Variants in CDC45 observed in about 807,000 individuals in gnomAD.
The protein encoded by CDC45 is cell division control protein 45 homolog.
CDC45 carries 54 observed loss-of-function variants against 77.8 expected under a neutral mutation model. The ratio of observed to expected loss-of-function variants is 0.69; its 90% CI spans 0.56 to 0.87. The LOEUF (loss-of-function observed/expected upper bound fraction) is 0.87. Ranked by LOEUF, CDC45 falls within the 40% of genes least tolerant of loss-of-function variation. The pLI is 0.00. For synonymous variants in CDC45, 260 were observed against 272.1 expected (o/e 0.96, Z 0.44); for missense variants, 649 against 721.6 (o/e 0.90, Z 1.15).
At position 19,484,304 on chromosome 22, in the gene CDC45, G is replaced by A. The variant is rs1022128740; in HGVS notation, c.486+299G>A. On this transcript the variant is annotated intron_variant, in intron 5 of 18. Coordinates refer to ENST00000263201, the MANE Select transcript of CDC45 (RefSeq NM_003504.5). ...AAATAATGTAGAGAAGCAATAAATA[G>A]TGTAACCCCCACCCCTTCCTTTTCT... 4.6e-5 allele frequency among the ~76,000 whole-genome samples: 7 copies of A among 152,214 alleles called. No homozygotes were observed. In the East Asian group the frequency reaches 1.3e-3, roughly 29 times the overall value.
At chr22:19,495,160 G>C (rs1417497954) in intron 6 of CDC45, among the ~76,000 whole-genome samples, 5 of 152,164 alleles carry the variant, frequency 3.3e-5, no homozygotes, top group Non-Finnish European at 7.4e-5. Flanking sequence ...TTCTGGGTTT[G>C]GGTTTCTATT....
At chr22:19,483,161 G>A (rs1306828599) in intron 4 of CDC45, among the ~76,000 whole-genome samples, 3 of 152,116 alleles carry the variant, frequency 2.0e-5, no homozygotes, top group Non-Finnish European at 4.4e-5. Flanking sequence ...GGCTGGGCGC[G>A]GTGGCTCACG....
chr22:19,480,143 G>T lies in CDC45; in HGVS notation c.52-15G>T. 6.2e-7 allele frequency: 1 copy of T among 1,613,992 alleles called. No individual in the cohort carries two copies. The highest frequency in any genetic ancestry group is 8.5e-7 in the Non-Finnish European group (1 of 1,179,876). On this transcript the variant is annotated splice_polypyrimidine_tract_variant and intron_variant, in intron 1 of 18. Coordinates refer to ENST00000263201, the MANE Select transcript of CDC45 (RefSeq NM_003504.5). The stretch of plus-strand genomic sequence containing the variant: ...TCGGGTCGCCGTGTTCAGCCGGTCT[G>T]CTCTTCCCCGATAGAGGGTCCTTCT...
intron 2 of CDC45, 116 bp downstream of exon 2, chr22:19,480,333 G>GAGC: frequency 2.1e-6 from 2 of 964,046 alleles, no homozygotes; most frequent in Non-Finnish European, 3.3e-6. Flanking sequence ...GTGGGAGAGG[G>GAGC]AGCAGGGCAG....
rs377186449 is a variant in CDC45 at position 19,483,955 on chromosome 22, A to C, written c.436A>C (p.Asn146His). ...AGAGGAGGATGAAGAGCATTCAGGA[A>C]ATGACAGTGATGGGTCAGAGCCTTC... ...DEEEDEEHSG[N>H]DSDGSEPSEK... The change falls in exon 5 of 19, where the codon AAT (asparagine) becomes CAT (histidine). Residue 146 changes from asparagine to histidine, a missense_variant. Asn to His is a moderately conservative substitution (Grantham distance 68). Coordinates refer to ENST00000263201, the MANE Select transcript of CDC45 (RefSeq NM_003504.5). 1.2e-6 allele frequency: 2 copies of C among 1,613,846 alleles called. No homozygotes were observed. The highest frequency in any genetic ancestry group is 1.1e-5 in the South Asian group (1 of 90,984).
In CDC45 at chr22:19,507,512, C is replaced by T. The variant is rs1933263165; in HGVS notation, c.951C>T (p.Asp317=). Residue 317 remains aspartate (D), a synonymous_variant, in exon 11 of 19, where the codon GAC becomes GAT. Transcript: ENST00000263201. ...GQKRLQEFLA[D]MGLPLKQVKQ... is the part of the protein sequence containing the mutation. ...AGCGGCTCCAGGAGTTCCTTGCAGA[C>T]ATGGGGTGAGTGACTGCCTGGGCCT... is the stretch of plus-strand genomic sequence containing the variant. 2.5e-6 allele frequency: 4 copies of T among 1,614,018 alleles called. No individual in the cohort carries two copies. The highest frequency in any genetic ancestry group is 1.7e-5 in the Admixed American group (1 of 60,008).
At chr22:19,514,663 G>A (rs1220300490) in intron 13 of CDC45, 86 bp from the exon 14 acceptor site, 9 of 1,194,002 alleles carry the variant, frequency 7.5e-6, no homozygotes, top group Non-Finnish European at 1.1e-5. Context: ...CCTGAACCAG[G>A]AACCAAGCAA....
intron 7 of CDC45, among the ~76,000 whole-genome samples, chr22:19,497,180 G>T (rs571728465): frequency 3.3e-5 from 5 of 152,340 alleles, no homozygotes; most frequent in Admixed American, 1.3e-4. Context: ...GGTAGCAAAG[G>T]AGTTACTTTC....
chr22:19,491,187 C>T (rs1334865887), intron 5 of CDC45, among the ~76,000 whole-genome samples: 1 of 152,118 alleles, frequency 6.6e-6, no homozygotes, highest in Admixed American at 6.5e-5. Flanking sequence ...TTAAATATTT[C>T]CTCCACATAT....
intron 9 of CDC45, among the ~76,000 whole-genome samples, chr22:19,502,947 C>T (rs1434128764): frequency 4.6e-5 from 7 of 151,958 alleles, no homozygotes; most frequent in Non-Finnish European, 8.8e-5. Flanking sequence ...AGCACTTTGT[C>T]GGGGGTGGGA....
chr22:19,507,779 C>G lies in CDC45; in HGVS notation c.970C>G (p.Gln324Glu), dbSNP rs1165533647. The G allele has an allele frequency of 2.5e-6, 4 of 1,597,248 alleles. No individual in the cohort carries two copies. The East Asian group carries it at 9.0e-5, about 36-fold the overall frequency. ...FLADMGLPLK[Q>E]VKQKFQAMDI... The stretch of plus-strand genomic sequence containing the variant: ...TGCTCTTTCCAGTCTTCCCCTGAAG[C>G]AGGTGAAGCAGAAGTTCCAGGCCAT... Residue 324 changes from glutamine to glutamate, a missense_variant, in exon 12 of 19, where the codon CAG (glutamine) becomes GAG (glutamate). Gln to Glu is a conservative substitution (Grantham distance 29). Coordinates refer to ENST00000263201, the MANE Select transcript of CDC45 (RefSeq NM_003504.5).
intron 8 of CDC45, 125 bp from the exon 9 acceptor site, chr22:19,498,975 GC>G: frequency 2.0e-6 from 2 of 1,013,474 alleles, no homozygotes; most frequent in Non-Finnish European, 1.5e-6. Context: ...CCAGGGTCTG[GC>G]CCCACTGGCA....
chr22:19,491,892 TGCCTCCTGGGTTCAAGCAATTCTGCCTCA>T (rs1402639644), intron 5 of CDC45, among the ~76,000 whole-genome samples: 1 of 151,924 alleles, frequency 6.6e-6, no homozygotes, highest in Non-Finnish European at 1.5e-5. Context: ...CTGCAACCTC[TGCCTCCTGGGTTCAAGCAATTCTGCCTCA>T]GCCTCCTGAG....
At chr22:19,516,016 G>T (rs760156902) in intron 15 of CDC45, among the ~76,000 whole-genome samples, 1 of 152,236 alleles carries the variant, frequency 6.6e-6, no homozygotes, top group Non-Finnish European at 1.5e-5. Context: ...AGGCACAGCA[G>T]AGAAGGAAAC....
chr22:19,506,216 G>A (rs1369165236), intron 10 of CDC45, among the ~76,000 whole-genome samples: 1 of 152,188 alleles, frequency 6.6e-6, no homozygotes, highest in East Asian at 1.9e-4. Context: ...CTGGGAAGGA[G>A]GAAGAGTGAG....
chr22:19,494,349 G>A lies in CDC45; in HGVS notation c.509G>A (p.Arg170Gln), dbSNP rs202209270. ...CAGGAGATAGTGGAGCAAACCATGC[G>A]GAGGAGGCAGCGGCGAGAGTGGGAG... Reference protein sequence around the residue: ...LEEEIVEQTMRRRQRREWEAR... With the variant: ...LEEEIVEQTMQRRQRREWEAR... The change falls in exon 6 of 19, where the codon CGG (arginine) becomes CAG (glutamine). Residue 170 changes from arginine to glutamine, a missense_variant. Coordinates refer to ENST00000263201, the MANE Select transcript of CDC45 (RefSeq NM_003504.5). 6.4e-5 allele frequency: 103 copies of A among 1,612,998 alleles called. No individual in the cohort carries two copies. The highest frequency in any genetic ancestry group is 2.0e-4 in the East Asian group (9 of 44,898).
intron 9 of CDC45, among the ~76,000 whole-genome samples, chr22:19,503,709 C>G (rs1932992092): frequency 6.6e-6 from 1 of 152,196 alleles, no homozygotes; most frequent in Non-Finnish European, 1.5e-5. Context: ...CCTTCCAATG[C>G]AGAGGAAGTC....
At chr22:19,503,971 C>T (rs1022455703) in intron 9 of CDC45, among the ~76,000 whole-genome samples, 1 of 152,246 alleles carries the variant, frequency 6.6e-6, no homozygotes, top group African/African-American at 2.4e-5. Context: ...ACAGGCAGGG[C>T]ACGGGTGGCA....
intron 5 of CDC45, among the ~76,000 whole-genome samples, chr22:19,485,579 G>C (rs1424704237): frequency 6.6e-6 from 1 of 152,188 alleles, no homozygotes; most frequent in African/African-American, 2.4e-5. Flanking sequence ...ATAAAGAGAA[G>C]GTAGGTTGTC....
Sources: allele counts gnomAD v4.1 joint callset (sites outside exome capture counted in the v4.1 genomes callset), GRCh38; gene constraint gnomAD v4.1.1; transcripts MANE v1.5; gene names NCBI Gene and HGNC (gene_info 2026-07-23, HGNC 2026-07-21).